The following CHAF1B variants were observed in gnomAD, a reference collection of about 807,000 sequenced individuals.
The protein encoded by CHAF1B is CAF-1 subunit B.
CHAF1B carries 10 observed loss-of-function variants against 60.7 expected under a neutral mutation model. The ratio of observed to expected loss-of-function variants is 0.16; its 90% confidence interval spans 0.10 to 0.28. CHAF1B has a LOEUF of 0.28. Among genes scored for constraint, CHAF1B ranks in the 10% least tolerant of loss-of-function variants. CHAF1B has a pLI of 1.00. For missense variants in CHAF1B, 558 were observed against 708.4 expected, an observed-to-expected ratio of 0.79 and a Z score of 2.41; for synonymous variants, 261 against 266.1, an observed-to-expected ratio of 0.98 and a Z score of 0.19.
At chr21:36,415,420 T>C (rs748397459) in intron 13 of CHAF1B, 31 bp downstream of exon 13, 9 of 1,327,586 alleles carry the variant, frequency 6.8e-6, no homozygotes, top group Non-Finnish European at 7.6e-6. Context: ...TTTAATATAA[T>C]GAAAGGTAGA....
chr21:36,396,280 A>G (rs2086136906), intron 5 of CHAF1B, among the ~76,000 whole-genome samples: 1 of 145,666 alleles, frequency 6.9e-6, no homozygotes, highest in African/African-American at 2.6e-5. Flanking sequence ...GATTACAGGC[A>G]TGAGCCATTG....
chr21:36,402,256 G>A (rs1044994934), intron 7 of CHAF1B, among the ~76,000 whole-genome samples: 4 of 152,078 alleles, frequency 2.6e-5, no homozygotes, highest in African/African-American at 9.7e-5. Context: ...AGGTTACAGC[G>A]ACCTATGATT....
chr21:36,400,205 C>T (rs906791500), intron 7 of CHAF1B, among the ~76,000 whole-genome samples: 14 of 151,450 alleles, frequency 9.2e-5, no homozygotes, highest in South Asian at 6.3e-4. Context: ...TAAGGCTGGG[C>T]ATGATGGCTC....
At chr21:36,406,575 T>C (rs2086239861) in intron 8 of CHAF1B, among the ~76,000 whole-genome samples, 1 of 152,108 alleles carries the variant, frequency 6.6e-6, no homozygotes. Context: ...CGTGAGCCAC[T>C]GCACCTGGCC....
chr21:36,391,405 A>G, intron 3 of CHAF1B, 146 bp from the exon 4 acceptor site: 1 of 469,024 alleles, frequency 2.1e-6, no homozygotes, highest in Non-Finnish European at 3.9e-6. Flanking sequence ...CAGAGGTTGC[A>G]GTGAGCCAAG....
intron 8 of CHAF1B, among the ~76,000 whole-genome samples, chr21:36,406,486 A>T (rs1228209754): frequency 6.6e-6 from 1 of 151,854 alleles, no homozygotes; most frequent in Non-Finnish European, 1.5e-5. Context: ...AGGTTTTACC[A>T]TGTTGGCCAG....
intron 8 of CHAF1B, 122 bp downstream of exon 8, chr21:36,402,973 G>A (rs1222715498): frequency 1.1e-5 from 8 of 760,878 alleles, no homozygotes; most frequent in Middle Eastern, 2.5e-4. Context: ...CGACTTACCT[G>A]CCCATTGGAA....
intron 4 of CHAF1B, among the ~76,000 whole-genome samples, chr21:36,392,274 G>C (rs1360919055): frequency 1.3e-5 from 2 of 152,322 alleles, no homozygotes; most frequent in Admixed American, 6.5e-5. Flanking sequence ...TCCCAAGGCA[G>C]AAGAATTTTT....
chr21:36,397,358 G>GTTTTGGT, intron 5 of CHAF1B, 57 bp from the exon 6 acceptor site: 3 of 817,132 alleles, frequency 3.7e-6, no homozygotes, highest in Non-Finnish European at 3.9e-6. Flanking sequence ...TACTATTTGG[G>GTTTTGGT]CTCAAACAGG....
intron 5 of CHAF1B, among the ~76,000 whole-genome samples, chr21:36,396,844 G>T (rs985570292): frequency 3.9e-5 from 6 of 151,992 alleles, no homozygotes; most frequent in African/African-American, 1.5e-4. Flanking sequence ...GACCCTCTTT[G>T]TCATCTTCTA....
intron 3 of CHAF1B, 138 bp downstream of exon 3, chr21:36,387,868 G>GA: frequency 9.2e-7 from 1 of 1,088,580 alleles, no homozygotes; most frequent in South Asian, 1.5e-5. Context: ...CCCCAGGCTG[G>GA]AGTGCAGTGG....
chr21:36,408,719 CA>C (rs1229918527), intron 8 of CHAF1B, 41 bp from the exon 9 acceptor site: 1 of 1,427,384 alleles, frequency 7.0e-7, no homozygotes, highest in South Asian at 1.2e-5. Flanking sequence ...TTTGCTGAAA[CA>C]GTGACTTTTC....
intron 11 of CHAF1B, among the ~76,000 whole-genome samples, chr21:36,412,007 C>T (rs1489258076): frequency 1.3e-5 from 2 of 152,222 alleles, no homozygotes; most frequent in Admixed American, 1.3e-4. Context: ...GGATTACAGG[C>T]GTGAGCCACC....
chr21:36,415,529 C>T (rs1321577842), intron 13 of CHAF1B, 140 bp downstream of exon 13: 32 of 648,936 alleles, frequency 4.9e-5, no homozygotes, highest in South Asian at 9.4e-5. Context: ...TGTTTAAACC[C>T]GCCGGCTGCC....
intron 9 of CHAF1B, 58 bp from the exon 10 acceptor site, chr21:36,409,311 CCTTTT>C (rs2086259871): frequency 1.5e-6 from 2 of 1,356,014 alleles, no homozygotes; most frequent in African/African-American, 1.4e-5. Context: ...AAAATGTTTA[CCTTTT>C]ATTTTTGCTT....
intron 12 of CHAF1B, among the ~76,000 whole-genome samples, chr21:36,414,507 A>G (rs1213077344): frequency 6.6e-6 from 1 of 152,114 alleles, no homozygotes; most frequent in Non-Finnish European, 1.5e-5. Flanking sequence ...GTATTAAATT[A>G]TTTTTCCCCT....
intron 8 of CHAF1B, among the ~76,000 whole-genome samples, chr21:36,403,450 T>TC: frequency 3.2e-5 from 4 of 124,528 alleles, no homozygotes; most frequent in Middle Eastern, 4.0e-3. Flanking sequence ...GAGTGATATC[T>TC]TATCTAAAAA....
chr21:36,388,840 T>A (rs958749295), intron 3 of CHAF1B: 1 of 152,228 alleles, frequency 6.6e-6, no homozygotes, highest in African/African-American at 2.4e-5. Context: ...AGGTGTGCCA[T>A]GCTCAGAAGT....
intron 2 of CHAF1B, among the ~76,000 whole-genome samples, chr21:36,387,059 C>T (rs1355812690): frequency 1.3e-5 from 2 of 151,924 alleles, no homozygotes; most frequent in Non-Finnish European, 1.5e-5. Flanking sequence ...TGTAACTGGA[C>T]GTTCATTGTT....
Sources: allele counts gnomAD v4.1 joint callset (sites outside exome capture counted in the v4.1 genomes callset), GRCh38; gene constraint gnomAD v4.1.1; transcripts MANE v1.5; gene names NCBI Gene and HGNC (gene_info 2026-07-23, HGNC 2026-07-21).